ULK4: variants seen among roughly 807,000 people sequenced by gnomAD.
ULK4 encodes unc-51 like kinase 4.
In ULK4, 133 loss-of-function variants were observed where a neutral mutation model predicts 160.6. That is an observed-to-expected ratio of 0.83 (90% confidence interval 0.72 to 0.96). The LOEUF is 0.96. Ranked by LOEUF, ULK4 falls within the 40% of genes least tolerant of loss-of-function variation. The pLI, the probability that ULK4 is intolerant of heterozygous loss-of-function variation, is 0.00. For missense variants in ULK4, 1,580 were observed against 1,499.5 expected, an observed-to-expected ratio of 1.05 and a Z score of -0.89; for synonymous variants, 534 against 539.8, an observed-to-expected ratio of 0.99 and a Z score of 0.15.
chr3:41,890,117 C>T (rs758079050), intron 16 of ULK4, among the ~76,000 whole-genome samples: 2 of 152,102 alleles, frequency 1.3e-5, no homozygotes, highest in Admixed American at 6.5e-5. Flanking sequence ...TACTGGGTTT[C>T]GCTGGGTGAG....
intron 35 of ULK4, among the ~76,000 whole-genome samples, chr3:41,379,494 T>C (rs904411772): frequency 6.6e-6 from 1 of 152,140 alleles, no homozygotes; most frequent in Admixed American, 6.5e-5. Flanking sequence ...AAAAGACTAA[T>C]CCCTGAAACA....
At chr3:41,610,859 A>T (rs1428869262) in intron 31 of ULK4, among the ~76,000 whole-genome samples, 1 of 152,232 alleles carries the variant, frequency 6.6e-6, no homozygotes, top group African/African-American at 2.4e-5. Context: ...TTCCAATAAA[A>T]CAGAGGTTAC....
intron 35 of ULK4, among the ~76,000 whole-genome samples, chr3:41,388,548 T>C (rs946431245): frequency 3.3e-5 from 5 of 152,130 alleles, no homozygotes; most frequent in African/African-American, 9.7e-5. Context: ...AATTAATTTT[T>C]GTCTAAGGTG....
intron 30 of ULK4, among the ~76,000 whole-genome samples, chr3:41,643,091 G>C (rs1002880282): frequency 6.6e-6 from 1 of 152,002 alleles, no homozygotes; most frequent in Non-Finnish European, 1.5e-5. Context: ...CTGGATATTA[G>C]CCCTTTGTCA....
At chr3:41,646,619 C>T (rs2034505615) in intron 30 of ULK4, among the ~76,000 whole-genome samples, 1 of 152,172 alleles carries the variant, frequency 6.6e-6, no homozygotes, top group Non-Finnish European at 1.5e-5. Flanking sequence ...TATGGCTGCC[C>T]TTAACATTTT....
In ULK4 at chr3:41,904,944, G is replaced by T. The variant is rs555018041; in HGVS notation, c.1182+2901C>A. On this transcript the variant is annotated intron_variant, in intron 12 of 36. Transcript: ENST00000301831. ...TCCTAAATTGATCTACACATTCAAT[G>T]CAACTGTGATTAAAATCCCAGCTGG... Among the ~76,000 whole-genome samples the T allele has an allele frequency of 2.6e-5, 4 of 152,300 alleles. No individual in the cohort carries two copies. In the South Asian group the frequency reaches 8.3e-4, roughly 32 times the overall value.
At chr3:41,483,243 A>C (rs1031584522) in intron 32 of ULK4, among the ~76,000 whole-genome samples, 3 of 152,146 alleles carry the variant, frequency 2.0e-5, no homozygotes, top group South Asian at 4.1e-4. Flanking sequence ...TTTAGCTCCC[A>C]AAAATAAGTG....
intron 27 of ULK4, among the ~76,000 whole-genome samples, chr3:41,695,090 T>A (rs1233754344): frequency 6.6e-6 from 1 of 152,182 alleles, no homozygotes; most frequent in East Asian, 1.9e-4. Context: ...AGCTGTGTCC[T>A]CACATGGCAG....
intron 30 of ULK4, among the ~76,000 whole-genome samples, chr3:41,633,236 A>G (rs749706761): frequency 1.3e-5 from 2 of 152,236 alleles, no homozygotes; most frequent in African/African-American, 2.4e-5. Flanking sequence ...CCAGCCACCT[A>G]TATCTGCATA....
intron 17 of ULK4, among the ~76,000 whole-genome samples, chr3:41,849,871 G>C (rs545907222): frequency 6.6e-6 from 1 of 152,220 alleles, no homozygotes; most frequent in Non-Finnish European, 1.5e-5. Flanking sequence ...GTGCAGGTTT[G>C]TTACATATGT....
chr3:41,953,304 A>ATATTT (rs1181182812), intron 2 of ULK4, among the ~76,000 whole-genome samples: 4 of 124,816 alleles, frequency 3.2e-5, no homozygotes, highest in African/African-American at 6.2e-5. Context: ...ATATATATAT[A>ATATTT]TTTTTTTTTT....
chr3:41,409,071 C>T (rs540849998), intron 34 of ULK4, among the ~76,000 whole-genome samples: 11 of 152,132 alleles, frequency 7.2e-5, no homozygotes, highest in African/African-American at 1.7e-4. Context: ...GCCTGGGGAA[C>T]GTGGCGAAAC....
rs199645401 is a variant in ULK4, at chr3:41,905,736, T to C, written c.1182+2109A>G. 2.0e-5 allele frequency among the ~76,000 whole-genome samples: 3 copies of C among 152,266 alleles called. No homozygotes were observed. The East Asian group carries it at 5.8e-4, about 29-fold the overall frequency. On this transcript the variant is annotated intron_variant, in intron 12 of 36. Transcript: ENST00000301831. ...ACACATAAAAAGATACTCAACATCATTAGCCATCAGGTAAATGCAAATCAA... is the reference window on the plus strand; with the variant it reads ...ACACATAAAAAGATACTCAACATCACTAGCCATCAGGTAAATGCAAATCAA...
intron 18 of ULK4, among the ~76,000 whole-genome samples, chr3:41,823,144 T>A (rs1345233679): frequency 2.0e-5 from 3 of 152,226 alleles, no homozygotes; most frequent in African/African-American, 7.2e-5. Flanking sequence ...CCATCTCAGA[T>A]CACTCAGAGA....
At chr3:41,634,908 A>C (rs1397133144) in intron 30 of ULK4, among the ~76,000 whole-genome samples, 1 of 152,242 alleles carries the variant, frequency 6.6e-6, no homozygotes, top group South Asian at 2.1e-4. Context: ...CAAAGTTGGA[A>C]AAGAAGAATA....
At chr3:41,824,158 A>T (rs2041250600) in intron 18 of ULK4, among the ~76,000 whole-genome samples, 1 of 96,126 alleles carries the variant, frequency 1.0e-5, no homozygotes, top group Non-Finnish European at 2.0e-5. Flanking sequence ...ATGAGACTCT[A>T]TCTTTAAAAA....
chr3:41,651,276 G>A (rs1051308667), intron 30 of ULK4, among the ~76,000 whole-genome samples: 21 of 152,060 alleles, frequency 1.4e-4, no homozygotes, highest in African/African-American at 5.1e-4. Flanking sequence ...CAGCCAATTA[G>A]CTCCCTCTCC....
chr3:41,924,380 C>T (rs1453268991), intron 5 of ULK4, among the ~76,000 whole-genome samples: 1 of 152,184 alleles, frequency 6.6e-6, no homozygotes, highest in Non-Finnish European at 1.5e-5. Context: ...CCCAAAAGGT[C>T]AGGGCTGATT....
chr3:41,615,470 G>A (rs1250108049), intron 31 of ULK4, among the ~76,000 whole-genome samples, 199 bp downstream of exon 31: 1 of 152,226 alleles, frequency 6.6e-6, no homozygotes, highest in Non-Finnish European at 1.5e-5. Context: ...TCATTAGCCA[G>A]TAGCCCTACA....
Sources: gnomAD v4.1 joint callset for allele counts (sites outside exome capture counted in the v4.1 genomes callset) on GRCh38, gnomAD v4.1.1 for gene constraint, MANE v1.5 for transcripts, NCBI Gene and HGNC (gene_info 2026-07-23, HGNC 2026-07-21) for gene names.